RAD51B: variants seen among roughly 807,000 people sequenced by gnomAD.
RAD51B encodes the protein DNA repair protein RAD51 homolog 2.
RAD51B carries 38 observed loss-of-function variants against 42.2 expected under a neutral mutation model. That is an observed-to-expected ratio of 0.90 (90% CI 0.70 to 1.18). RAD51B has a LOEUF of 1.18. Ranked by LOEUF, RAD51B falls within the 50% of genes most tolerant of loss-of-function variation. The probability of loss-of-function intolerance (pLI) is 0.00; values close to 1 mark genes in which losing one functional copy is unlikely to be tolerated. For synonymous variants in RAD51B, 154 were observed against 145.2 expected, an observed-to-expected ratio of 1.06 and a Z score of -0.43; for missense variants, 373 against 400.7, an observed-to-expected ratio of 0.93 and a Z score of 0.59.
chr14:67,945,290 G>C (rs1047852029), intron 7 of RAD51B, among the ~76,000 whole-genome samples: 1 of 152,164 alleles, frequency 6.6e-6, no homozygotes, highest in Non-Finnish European at 1.5e-5. Flanking sequence ...GTGCCATTTG[G>C]TGAGATCTTT....
At chr14:68,341,061 A>G (rs2082562095) in intron 8 of RAD51B, among the ~76,000 whole-genome samples, 1 of 152,236 alleles carries the variant, frequency 6.6e-6, no homozygotes, top group African/African-American at 2.4e-5. Context: ...AGATGCCACT[A>G]AGATGAGCTG....
intron 9 of RAD51B, among the ~76,000 whole-genome samples, chr14:68,432,329 C>T (rs968205633): frequency 2.0e-5 from 3 of 152,150 alleles, no homozygotes; most frequent in Non-Finnish European, 4.4e-5. Context: ...TCTCATTGAT[C>T]TGTCTAATGT....
In RAD51B at chr14:68,180,132, C is replaced by T. The variant is rs549292317; in HGVS notation, c.757-111752C>T. ...CAGCATTGCCTAGTTCCATAAGTCA[C>T]CCTAATGGTTAAAGTTTTGCCACCT... On this transcript the variant is annotated intron_variant, in intron 7 of 10. Coordinates refer to ENST00000471583, the MANE Select transcript of RAD51B (RefSeq NM_133510.4). Among the ~76,000 whole-genome samples, 17 of 152,214 alleles carry T rather than the reference C, an allele frequency of 1.1e-4. No individual in the cohort carries two copies. In the South Asian group the frequency reaches 1.7e-3, roughly 15 times the overall value.
At chr14:68,531,134 C>G (rs1887277981) in intron 10 of RAD51B, among the ~76,000 whole-genome samples, 1 of 147,502 alleles carries the variant, frequency 6.8e-6, no homozygotes, top group Admixed American at 6.8e-5. Flanking sequence ...GAAAATCTCA[C>G]CAACCTAAGA....
chr14:67,943,471 G>A (rs527274959), intron 7 of RAD51B, among the ~76,000 whole-genome samples: 2 of 152,172 alleles, frequency 1.3e-5, no homozygotes, highest in African/African-American at 4.8e-5. Context: ...TAAAAAATAC[G>A]ATAGGCACTA....
intron 9 of RAD51B, among the ~76,000 whole-genome samples, chr14:68,450,953 C>T (rs1235517334): frequency 6.6e-6 from 1 of 152,168 alleles, no homozygotes; most frequent in Non-Finnish European, 1.5e-5. Flanking sequence ...GGCCATGCTG[C>T]ACCCCACAGA....
chr14:68,507,307 C>T (rs757010681), intron 10 of RAD51B, among the ~76,000 whole-genome samples: 2 of 152,136 alleles, frequency 1.3e-5, no homozygotes, highest in Non-Finnish European at 2.9e-5. Flanking sequence ...GGGTTTGAAA[C>T]GCATCTGGCT....
At chr14:68,013,747 G>T (rs1297902527) in intron 7 of RAD51B, among the ~76,000 whole-genome samples, 1 of 152,040 alleles carries the variant, frequency 6.6e-6, no homozygotes, top group Non-Finnish European at 1.5e-5. Flanking sequence ...ATGCAAATTT[G>T]CATTTCCTGC....
intron 11 of RAD51B, among the ~76,000 whole-genome samples, chr14:68,681,768 CT>C (rs1305866664): frequency 2.6e-5 from 4 of 152,220 alleles, no homozygotes; most frequent in Non-Finnish European, 5.9e-5. Context: ...CTCAGCCTCT[CT>C]CCTCTGTTGA....
intron 7 of RAD51B, among the ~76,000 whole-genome samples, chr14:68,024,054 T>C (rs2140355748): frequency 6.6e-6 from 1 of 152,330 alleles, no homozygotes; most frequent in East Asian, 1.9e-4. Flanking sequence ...CAATTTCATT[T>C]TTCTTTATAT....
chr14:68,158,825 C>CT (rs978244286), intron 7 of RAD51B, among the ~76,000 whole-genome samples: 3 of 152,088 alleles, frequency 2.0e-5, no homozygotes, highest in African/African-American at 7.2e-5. Flanking sequence ...AATAATAATA[C>CT]TTTCATTGGC....
intron 8 of RAD51B, among the ~76,000 whole-genome samples, chr14:68,377,065 A>G (rs990699448): frequency 6.6e-6 from 1 of 152,206 alleles, no homozygotes; most frequent in East Asian, 1.9e-4. Context: ...GAGTTTTGCA[A>G]ACAGATTCTT....
At chr14:68,644,028 C>T (rs1892517148) in intron 10 of RAD51B, among the ~76,000 whole-genome samples, 1 of 152,320 alleles carries the variant, frequency 6.6e-6, no homozygotes, top group East Asian at 1.9e-4. Flanking sequence ...GCTTCATGCT[C>T]CCCACTTACT....
intron 9 of RAD51B, 132 bp from the exon 10 acceptor site, chr14:68,468,038 GTT>G (rs74865050): frequency 2.1e-4 from 123 of 587,184 alleles, no homozygotes; most frequent in Non-Finnish European, 2.6e-4. Flanking sequence ...TTATAAAATG[GTT>G]TTTTTTTTTT....
chr14:68,027,341 G>A (rs1422497940), intron 7 of RAD51B, among the ~76,000 whole-genome samples: 1 of 152,040 alleles, frequency 6.6e-6, no homozygotes, highest in African/African-American at 2.4e-5. Flanking sequence ...ATCTTGTATG[G>A]TATCTAGCTG....
intron 10 of RAD51B, among the ~76,000 whole-genome samples, chr14:68,531,097 A>C (rs894579967): frequency 1.3e-5 from 2 of 152,024 alleles, no homozygotes; most frequent in Admixed American, 1.3e-4. Context: ...ATAGGTTCTA[A>C]ACCAACAAAG....
At chr14:67,841,714 A>G (rs2041435813) in intron 4 of RAD51B, among the ~76,000 whole-genome samples, 1 of 152,176 alleles carries the variant, frequency 6.6e-6, no homozygotes, top group South Asian at 2.1e-4. Flanking sequence ...ACTTTGTCAA[A>G]GATCAGAGGT....
At chr14:68,511,977 G>A (rs1885760392) in intron 10 of RAD51B, among the ~76,000 whole-genome samples, 1 of 152,214 alleles carries the variant, frequency 6.6e-6, no homozygotes, top group South Asian at 2.1e-4. Flanking sequence ...GTTTCTAGAG[G>A]TGGAATAAAA....
chr14:68,619,200 C>T (rs1272488874), intron 10 of RAD51B, among the ~76,000 whole-genome samples: 1 of 152,136 alleles, frequency 6.6e-6, no homozygotes, highest in East Asian at 1.9e-4. Context: ...AAAGGCTGGG[C>T]GTGGTGGCTC....
Sources: gnomAD v4.1 joint callset for allele counts (sites outside exome capture counted in the v4.1 genomes callset) on GRCh38, gnomAD v4.1.1 for gene constraint, MANE v1.5 for transcripts, NCBI Gene and HGNC (gene_info 2026-07-23, HGNC 2026-07-21) for gene names.